Variants in HHIPL1 observed in about 807,000 individuals in gnomAD.
The protein encoded by HHIPL1 is HHIP like 1.
Under a neutral mutation model 61.8 loss-of-function variants are expected in HHIPL1, and 43 were observed. The observed-to-expected ratio is 0.70, with a 90% CI of 0.55 to 0.90. HHIPL1 has a LOEUF of 0.90. Among genes scored for constraint, HHIPL1 ranks in the 40% least tolerant of loss-of-function variants. The probability of loss-of-function intolerance (pLI) is 0.00; values close to 1 mark genes in which losing one functional copy is unlikely to be tolerated. For missense variants in HHIPL1, 1,056 were observed against 1,157.7 expected, an observed-to-expected ratio of 0.91 and a Z score of 1.28; for synonymous variants, 482 against 515.8, an observed-to-expected ratio of 0.93 and a Z score of 0.89.
At chr14:99,643,870 T>G (rs2055785688), upstream of HHIPL1, among the ~76,000 whole-genome samples, 1 of 152,188 alleles carries the variant, frequency 6.6e-6, no homozygotes, top group African/African-American at 2.4e-5. Flanking sequence ...GGGTCCAGCT[T>G]TGACAAGGTG....
chr14:99,664,608 TC>T (rs2056212559), intron 6 of HHIPL1, among the ~76,000 whole-genome samples: 1 of 151,810 alleles, frequency 6.6e-6, no homozygotes, highest in Admixed American at 6.6e-5. Flanking sequence ...AAACAAACCT[TC>T]CCCCTGCCCT....
chr14:99,626,295 C>T, the HHIPL1 span, among the ~76,000 whole-genome samples: 10 of 147,346 alleles, frequency 6.8e-5, no homozygotes, highest in Non-Finnish European at 1.2e-4. Flanking sequence ...TGTGTGTATG[C>T]ATGTGTGATC....
At chr14:99,617,969 C>T in the HHIPL1 span, among the ~76,000 whole-genome samples, 1 of 152,178 alleles carries the variant, frequency 6.6e-6, no homozygotes, top group African/African-American at 2.4e-5. Context: ...GGCAGATGTG[C>T]CAGTGAAGGC....
chr14:99,604,551 G>A, the HHIPL1 span: 3 of 152,154 alleles, frequency 2.0e-5, no homozygotes, highest in South Asian at 4.1e-4. Context: ...GGCGGTTCAA[G>A]TTTCTGCGCC....
chr14:99,627,817 A>G, the HHIPL1 span, among the ~76,000 whole-genome samples: 1 of 152,202 alleles, frequency 6.6e-6, no homozygotes, highest in Non-Finnish European at 1.5e-5. This position sits in a 1 kb window ranked among gnomAD's most constrained non-coding sequence, Gnocchi z 4.4. Context: ...GGACACACAA[A>G]TGCAGGATGA....
At position 99,655,004 on chromosome 14, in the gene HHIPL1, A is replaced by G. The variant is rs77383254; in HGVS notation, c.903-1996A>G. On this transcript the variant is annotated intron_variant, in intron 2 of 8. Coordinates refer to ENST00000330710, the MANE Select transcript of HHIPL1 (RefSeq NM_001127258.3). ...AGCAAAGGTCCTCTGGTGACCTCACAAAGTCAAGCCTAGAACTTGACTCAC... is the reference window on the plus strand; with the variant it reads ...AGCAAAGGTCCTCTGGTGACCTCACGAAGTCAAGCCTAGAACTTGACTCAC... Among the ~76,000 whole-genome samples the G allele has an allele frequency of 3.1e-3, 473 of 152,338 alleles. 2 individuals are homozygous for G. The highest frequency in any genetic ancestry group is 0.011 in the African/African-American group (444 of 41,592).
the HHIPL1 span, among the ~76,000 whole-genome samples, chr14:99,626,357 T>C: frequency 1.3e-5 from 2 of 152,132 alleles, no homozygotes; most frequent in Admixed American, 6.6e-5. Flanking sequence ...CCAGCTTCCC[T>C]GCTCCCATCA....
rs1249579979 is a variant in HHIPL1 at position 99,652,413 on chromosome 14, C to T, written c.445C>T (p.Leu149=). The T allele has an allele frequency of 1.2e-6, 2 of 1,614,226 alleles. No individual in the cohort carries two copies. Among genetic ancestry groups the T allele is most frequent in the South Asian group, 2.2e-5 (2 of 91,090 alleles). Residue 149 remains leucine (L), a synonymous_variant, in exon 2 of 9, where the codon CTG becomes TTG. Coordinates refer to ENST00000330710, the MANE Select transcript of HHIPL1 (RefSeq NM_001127258.3). ...CAACCTTGCCAGGTTCTGCCGCTAC[C>T]TGTCCCTGGATGACACGGACTACTG... ...EGNLARFCRY[L]SLDDTDYCFP... is the part of the protein sequence containing the mutation.
At chr14:99,651,422 AG>A (rs1332831076) in intron 1 of HHIPL1, among the ~76,000 whole-genome samples, 1 of 152,136 alleles carries the variant, frequency 6.6e-6, no homozygotes, top group East Asian at 1.9e-4. Flanking sequence ...AGTAAAGGGG[AG>A]GCGGCATGTC....
chr14:99,646,818 ATATGATATG>A (rs2055845216), intron 1 of HHIPL1, among the ~76,000 whole-genome samples: 11 of 67,686 alleles, frequency 1.6e-4, no homozygotes, highest in South Asian at 4.8e-4. Context: ...ATATGATATG[ATATGATATG>A]ATATGATATA....
intron 1 of HHIPL1, among the ~76,000 whole-genome samples, chr14:99,646,641 G>C (rs73348541): frequency 0.059 from 8,909 of 152,028 alleles, 593 homozygotes; most frequent in African/African-American, 0.16. Context: ...GGGCATGTTG[G>C]GGAGCTCCTG....
intron 2 of HHIPL1, among the ~76,000 whole-genome samples, chr14:99,653,329 T>TTTTTGTTTTGTTTTG (rs11268009): frequency 0.17 from 26,342 of 150,908 alleles, 2,565 homozygotes; most frequent in East Asian, 0.26. Context: ...GGTGCCATCT[T>TTTTTGTTTTGTTTTG]TTTTGTTTTG....
Position 99,648,969 on chromosome 14 carries a change from C to A in HHIPL1, c.256-3255C>A, listed in dbSNP as rs139382573. On this transcript the variant is annotated intron_variant, in intron 1 of 8. Transcript: ENST00000330710. ...TCCGCCCTGCACTGAATGGCCCGGG[C>A]GGCTGAAGCCTGCGATACTGGGCTG... is the stretch of plus-strand genomic sequence containing the variant. Among the ~76,000 whole-genome samples, 868 of 152,282 alleles carry A rather than the reference C, an allele frequency of 5.7e-3. 5 individuals are homozygous for A. The highest frequency in any genetic ancestry group is 0.012 in the Admixed American group (190 of 15,300).
chr14:99,639,711 G>C, the HHIPL1 span, among the ~76,000 whole-genome samples: 1 of 151,980 alleles, frequency 6.6e-6, no homozygotes, highest in African/African-American at 2.4e-5. Flanking sequence ...GCCCAGGCTG[G>C]AGTGCAGTGG....
Position 99,659,853 on chromosome 14 carries a change from C to CCA in HHIPL1, c.1375+98_1375+99insAC. On this transcript the variant is annotated intron_variant, in intron 4 of 8. Coordinates refer to ENST00000330710, the MANE Select transcript of HHIPL1 (RefSeq NM_001127258.3). Reference sequence around the variant, plus strand: ...GCCTCCCTCGGAGACCGCACCCCCCCCCCCCCGGAGATCCCTGACCCTGAG... The same window carrying CCA: ...GCCTCCCTCGGAGACCGCACCCCCCCCACCCCCCGGAGATCCCTGACCCTGAG... 4 of 566,518 alleles carry CCA rather than the reference C, an allele frequency of 7.1e-6. 1 individual carries two copies. The South Asian group carries it at 1.1e-4, about 16-fold the overall frequency. The allele number at this position is 566,518 out of a possible 1,614,324, so 35.1% of individuals were successfully genotyped here. A position where few individuals can be genotyped will look rare whatever the true frequency, so the allele number is the denominator to read the frequency against.
At position 99,668,565 on chromosome 14, in the gene HHIPL1, G is replaced by A. The variant is rs372290338; in HGVS notation, c.1730+262G>A. 2.6e-5 allele frequency among the ~76,000 whole-genome samples: 4 copies of A among 152,242 alleles called. No individual in the cohort carries two copies. In the East Asian group the frequency reaches 5.8e-4, roughly 22 times the overall value. On this transcript the variant is annotated intron_variant, in intron 7 of 8. Coordinates refer to ENST00000330710, the MANE Select transcript of HHIPL1 (RefSeq NM_001127258.3). The surrounding 1 kb of genome is among the most constrained non-coding windows in gnomAD (Gnocchi z 4.7). Reference sequence around the variant, plus strand: ...GCTGGAGAGGTGACTGGGGCCGCGGGCCGAGGCTTCACTTGGCTTTCTTGC... The same window carrying A: ...GCTGGAGAGGTGACTGGGGCCGCGGACCGAGGCTTCACTTGGCTTTCTTGC...
chr14:99,641,897 G>C (rs1326262359), upstream of HHIPL1, among the ~76,000 whole-genome samples: 1 of 151,450 alleles, frequency 6.6e-6, no homozygotes, highest in Non-Finnish European at 1.5e-5. Context: ...TAGATTCTTG[G>C]ATCTGTTGTT....
rs1028286178 is a variant in HHIPL1, at chr14:99,678,509, C to T, written c.*2883C>T. 2.0e-5 allele frequency: 3 copies of T among 152,226 alleles called. No individual in the cohort carries two copies. Among genetic ancestry groups the T allele is most frequent in the Non-Finnish European group, 4.4e-5 (3 of 68,050 alleles). 9.4% of individuals were successfully genotyped at this position (152,226 alleles called of 1,614,324 possible). A position where few individuals can be genotyped will look rare whatever the true frequency, so the allele number is the denominator to read the frequency against. On this transcript the variant is annotated 3_prime_UTR_variant, in exon 9 of 9. Transcript: ENST00000330710. ...TTGTTAGCCCTTATGCAGTTTGTCCCTGCTACTGTGTCCTATGTCCATTGG... is the reference window on the plus strand; with the variant it reads ...TTGTTAGCCCTTATGCAGTTTGTCCTTGCTACTGTGTCCTATGTCCATTGG...
At chr14:99,663,632 A>T (rs964965185) in intron 6 of HHIPL1, among the ~76,000 whole-genome samples, 4 of 152,180 alleles carry the variant, frequency 2.6e-5, no homozygotes, top group Admixed American at 2.0e-4. Context: ...AGTAGGTTTC[A>T]GCCTTATTTT....
Sources: allele counts gnomAD v4.1 joint callset (sites outside exome capture counted in the v4.1 genomes callset), GRCh38; gene constraint gnomAD v4.1.1; non-coding constraint Gnocchi (gnomAD v3.1); transcripts MANE v1.5; gene names NCBI Gene and HGNC (gene_info 2026-07-23, HGNC 2026-07-21).